Variants in GPHN observed in about 807,000 individuals in gnomAD.
GPHN encodes gephyrin.
GPHN carries 17 observed loss-of-function variants against 95.5 expected under a neutral mutation model. The observed-to-expected ratio is 0.18, with a 90% CI of 0.12 to 0.27. GPHN has a LOEUF of 0.27. Ranked by LOEUF, GPHN falls within the 10% of genes least tolerant of loss-of-function variation. The pLI, the probability that GPHN is intolerant of heterozygous loss-of-function variation, is 1.00. For missense variants in GPHN, 660 were observed against 978.1 expected (o/e 0.67, Z 4.34); for synonymous variants, 320 against 322.5 (o/e 0.99, Z 0.08).
chr14:67,713,874 C>T, the GPHN span, among the ~76,000 whole-genome samples: 1 of 152,100 alleles, frequency 6.6e-6, no homozygotes, highest in Non-Finnish European at 1.5e-5. Flanking sequence ...GCTTCCAAGT[C>T]ACAGGTAGGT....
the GPHN span, among the ~76,000 whole-genome samples, chr14:67,688,920 ACATGGG>A: frequency 6.6e-6 from 1 of 152,224 alleles, no homozygotes; most frequent in Admixed American, 6.5e-5. Flanking sequence ...GCACGGAACA[ACATGGG>A]CACTGAATAC....
At chr14:66,942,145 G>A (rs2153573389) in intron 8 of GPHN, among the ~76,000 whole-genome samples, 1 of 152,232 alleles carries the variant, frequency 6.6e-6, no homozygotes, top group East Asian at 1.9e-4. Context: ...CCAAGTACCT[G>A]AGATTACAGG....
At chr14:67,351,796 C>T in the GPHN span, among the ~76,000 whole-genome samples, 1 of 151,700 alleles carries the variant, frequency 6.6e-6, no homozygotes, top group Non-Finnish European at 1.5e-5. Context: ...GTTGGGATTA[C>T]AGGCATGAGT....
intron 12 of GPHN, among the ~76,000 whole-genome samples, chr14:67,100,256 A>G (rs2077623777): frequency 6.6e-6 from 1 of 152,182 alleles, no homozygotes; most frequent in Non-Finnish European, 1.5e-5. Flanking sequence ...AGAGTACTTT[A>G]CCTTTTCTTT....
chr14:67,550,967 T>A, the GPHN span, among the ~76,000 whole-genome samples: 15 of 152,242 alleles, frequency 9.9e-5, no homozygotes, highest in Non-Finnish European at 1.6e-4. Flanking sequence ...AGTTAATGCA[T>A]GTACAGTGCT....
At chr14:67,337,003 G>T in the GPHN span, among the ~76,000 whole-genome samples, 1 of 152,198 alleles carries the variant, frequency 6.6e-6, no homozygotes. Context: ...TTCTGGATTT[G>T]CTACTTTCTA....
rs147514883 is a variant in GPHN at position 66,764,153 on chromosome 14, C to A, written c.144-12311C>A. Among the ~76,000 whole-genome samples the A allele has an allele frequency of 2.1e-3, 315 of 152,270 alleles. 1 individual carries two copies. Among genetic ancestry groups the A allele is most frequent in the South Asian group, 3.1e-3 (15 of 4,822 alleles). On this transcript the variant is annotated intron_variant, in intron 2 of 22. Transcript: ENST00000478722. Reference sequence around the variant, plus strand: ...TTGAATCATCACAAAACCATGCCCCCAACCCCCCAATCCTTGGAAAAATTG... The same window carrying A: ...TTGAATCATCACAAAACCATGCCCCAAACCCCCCAATCCTTGGAAAAATTG...
chr14:67,225,677 G>GT, the GPHN span, among the ~76,000 whole-genome samples: 1 of 152,150 alleles, frequency 6.6e-6, no homozygotes, highest in African/African-American at 2.4e-5. Context: ...GTCATGTACA[G>GT]TTATGTAGCT....
chr14:66,631,074 G>A (rs954965906), intron 1 of GPHN, among the ~76,000 whole-genome samples: 7 of 150,062 alleles, frequency 4.7e-5, no homozygotes, highest in African/African-American at 1.2e-4. Context: ...TTTTTGAGAC[G>A]GAGTCTTGCT....
intron 12 of GPHN, among the ~76,000 whole-genome samples, chr14:67,096,195 A>G (rs1477772002): frequency 6.6e-6 from 1 of 152,150 alleles, no homozygotes; most frequent in Non-Finnish European, 1.5e-5. Flanking sequence ...ACCAACTGGA[A>G]AGGTTCAGAG....
chr14:67,609,906 CTG>C, the GPHN span, among the ~76,000 whole-genome samples: 2 of 57,376 alleles, frequency 3.5e-5, no homozygotes, highest in African/African-American at 1.0e-3. Context: ...CACAAGGCTC[CTG>C]TCCTGGAAAC....
At chr14:67,008,223 G>A (rs905657179) in intron 9 of GPHN, among the ~76,000 whole-genome samples, 3 of 152,074 alleles carry the variant, frequency 2.0e-5, no homozygotes, top group Non-Finnish European at 4.4e-5. Context: ...GGAGGCCAAG[G>A]CGGGCGGATC....
chr14:66,603,493 A>G (rs2062359779), intron 1 of GPHN, among the ~76,000 whole-genome samples: 1 of 151,980 alleles, frequency 6.6e-6, no homozygotes. Flanking sequence ...GAATGCCTGT[A>G]TCATAAGTGA....
the GPHN span, among the ~76,000 whole-genome samples, chr14:67,643,213 A>G: frequency 6.6e-6 from 1 of 152,176 alleles, no homozygotes. Flanking sequence ...CTGTTCTGAT[A>G]TTTTCTCAGC....
intron 1 of GPHN, chr14:66,551,244 A>T (rs1303125169): frequency 2.0e-5 from 3 of 152,250 alleles, no homozygotes; most frequent in African/African-American, 7.2e-5. Flanking sequence ...AGTATTGTAT[A>T]AACAAACATT....
At chr14:67,496,868 G>A in the GPHN span, among the ~76,000 whole-genome samples, 1 of 151,502 alleles carries the variant, frequency 6.6e-6, no homozygotes, top group Non-Finnish European at 1.5e-5. Context: ...CGCAATCTCA[G>A]CTCACTGCAA....
the GPHN span, among the ~76,000 whole-genome samples, chr14:67,217,517 T>A: frequency 1.3e-5 from 2 of 152,304 alleles, no homozygotes; most frequent in African/African-American, 4.8e-5. Context: ...ATTTTTGCAG[T>A]TGAGTGATTT....
the GPHN span, among the ~76,000 whole-genome samples, chr14:67,391,908 A>G: frequency 6.6e-6 from 1 of 152,196 alleles, no homozygotes; most frequent in East Asian, 1.9e-4. Flanking sequence ...TAGCTCAGAA[A>G]GTGTATCAAG....
chr14:66,531,207 A>G (rs1429507901), intron 1 of GPHN, among the ~76,000 whole-genome samples: 2 of 152,010 alleles, frequency 1.3e-5, no homozygotes, highest in African/African-American at 2.4e-5. Context: ...TAGCCCCCCA[A>G]AGTGCTGGGA....
Sources: allele counts gnomAD v4.1 joint callset (sites outside exome capture counted in the v4.1 genomes callset), GRCh38; gene constraint gnomAD v4.1.1; transcripts MANE v1.5; gene names NCBI Gene and HGNC (gene_info 2026-07-23, HGNC 2026-07-21).